FHIT: variants seen among roughly 807,000 people sequenced by gnomAD.
FHIT encodes the protein fragile histidine triad diadenosine triphosphatase, also known as bis(5'-adenosyl)-triphosphatase.
Under a neutral mutation model 17.9 loss-of-function variants are expected in FHIT, and 19 were observed. The observed-to-expected ratio is 1.06, with a 90% CI of 0.74 to 1.56. The LOEUF (loss-of-function observed/expected upper bound fraction) is 1.56. Among genes scored for constraint, FHIT ranks in the 40% most tolerant of loss-of-function variants. The probability of loss-of-function intolerance (pLI) is 0.00; values close to 1 mark genes in which losing one functional copy is unlikely to be tolerated. For synonymous variants in FHIT, 81 were observed against 69.7 expected (o/e 1.16, Z -0.81); for missense variants, 248 against 189.2 (o/e 1.31, Z -1.82).
At chr3:60,279,382 A>T (rs1707319903) in intron 5 of FHIT, among the ~76,000 whole-genome samples, 1 of 152,188 alleles carries the variant, frequency 6.6e-6, no homozygotes, top group African/African-American at 2.4e-5. Flanking sequence ...TTATATCTAT[A>T]TCTGTATCTT....
intron 3 of FHIT, among the ~76,000 whole-genome samples, chr3:60,947,435 T>C (rs544964654): frequency 1.3e-5 from 2 of 152,272 alleles, no homozygotes; most frequent in African/African-American, 4.8e-5. Flanking sequence ...CAAAGGAAAA[T>C]GTAACATTTG....
intron 5 of FHIT, among the ~76,000 whole-genome samples, chr3:60,375,773 T>A (rs1463551145): frequency 6.6e-6 from 1 of 152,016 alleles, no homozygotes; most frequent in African/African-American, 2.4e-5. Flanking sequence ...AGATATCATA[T>A]CTAGGCTTAA....
At chr3:60,514,176 C>T (rs1198135866) in intron 5 of FHIT, among the ~76,000 whole-genome samples, 2 of 152,198 alleles carry the variant, frequency 1.3e-5, no homozygotes, top group Non-Finnish European at 2.9e-5. Flanking sequence ...ATTCAGGAGG[C>T]ACTGGGTGTG....
intron 8 of FHIT, among the ~76,000 whole-genome samples, chr3:59,756,814 T>C (rs1393389029): frequency 6.6e-6 from 1 of 152,198 alleles, no homozygotes; most frequent in Non-Finnish European, 1.5e-5. Context: ...CATGGTCTTA[T>C]TGCACGGAAT....
intron 4 of FHIT, among the ~76,000 whole-genome samples, chr3:60,612,071 A>G (rs1553673814): frequency 6.6e-6 from 1 of 152,112 alleles, no homozygotes; most frequent in African/African-American, 2.4e-5. Context: ...TGGCCCAGAA[A>G]TAATACCTGC....
chr3:60,953,801 C>G (rs1445482301), intron 3 of FHIT, among the ~76,000 whole-genome samples: 1 of 152,136 alleles, frequency 6.6e-6, no homozygotes, highest in Non-Finnish European at 1.5e-5. Context: ...TTAGAAGAGA[C>G]GAAGACGAGA....
intron 1 of FHIT, among the ~76,000 whole-genome samples, chr3:61,243,690 A>T (rs2040422706): frequency 6.6e-6 from 1 of 152,214 alleles, no homozygotes; most frequent in South Asian, 2.1e-4. Context: ...TTTGGAACAC[A>T]GTTTTAATGG....
At chr3:61,087,191 C>A (rs2035332936) in intron 2 of FHIT, among the ~76,000 whole-genome samples, 1 of 152,092 alleles carries the variant, frequency 6.6e-6, no homozygotes, top group African/African-American at 2.4e-5. Context: ...ATATTCTATA[C>A]ATGAAAGAAA....
intron 2 of FHIT, among the ~76,000 whole-genome samples, chr3:61,047,188 A>G (rs995967992): frequency 6.6e-6 from 1 of 152,182 alleles, no homozygotes; most frequent in Non-Finnish European, 1.5e-5. Context: ...AGTAAGTCCA[A>G]TTGTTGCTGT....
intron 5 of FHIT, among the ~76,000 whole-genome samples, chr3:60,161,555 G>A (rs563384342): frequency 6.6e-6 from 1 of 152,264 alleles, no homozygotes; most frequent in African/African-American, 2.4e-5. Flanking sequence ...ACTTTCAAGG[G>A]CATGATTCCT....
intron 7 of FHIT, among the ~76,000 whole-genome samples, chr3:59,963,852 C>A (rs1022767147): frequency 8.5e-5 from 13 of 152,242 alleles, no homozygotes; most frequent in East Asian, 1.9e-4. Flanking sequence ...GGGACATAGG[C>A]AGCAAATTAA....
chr3:60,769,804 A>C (rs1439521781), intron 4 of FHIT, among the ~76,000 whole-genome samples: 1 of 152,168 alleles, frequency 6.6e-6, no homozygotes, highest in Non-Finnish European at 1.5e-5. Flanking sequence ...TTAGGTTTTC[A>C]ATTTTGTCTG....
intron 2 of FHIT, among the ~76,000 whole-genome samples, chr3:61,147,524 TA>T (rs531598476): frequency 1.3e-5 from 2 of 152,132 alleles, no homozygotes; most frequent in South Asian, 4.1e-4. Flanking sequence ...ATATGAATTT[TA>T]AGAACAGTGT....
intron 4 of FHIT, among the ~76,000 whole-genome samples, chr3:60,565,875 C>T (rs1300959814): frequency 6.6e-6 from 1 of 152,130 alleles, no homozygotes; most frequent in African/African-American, 2.4e-5. Context: ...TTAGATCTTT[C>T]CTGCTTTCTC....
At chr3:61,055,068 C>A (rs1242937419) in intron 2 of FHIT, among the ~76,000 whole-genome samples, 1 of 151,088 alleles carries the variant, frequency 6.6e-6, no homozygotes, top group African/African-American at 2.5e-5. Context: ...GTTGCACTAA[C>A]CACAGTTGTT....
intron 7 of FHIT, among the ~76,000 whole-genome samples, chr3:59,947,759 G>A (rs1417700094): frequency 2.6e-5 from 4 of 152,204 alleles, no homozygotes; most frequent in Non-Finnish European, 4.4e-5. Context: ...CACTCTGACA[G>A]AGGATGCTGG....
intron 5 of FHIT, among the ~76,000 whole-genome samples, chr3:60,513,614 C>A (rs550160523): frequency 6.6e-6 from 1 of 152,138 alleles, no homozygotes; most frequent in South Asian, 2.1e-4. Context: ...CACACAGGAA[C>A]AGAAAACCAA....
At chr3:60,266,355 A>C (rs929571808) in intron 5 of FHIT, among the ~76,000 whole-genome samples, 13 of 152,094 alleles carry the variant, frequency 8.5e-5, no homozygotes, top group Non-Finnish European at 1.6e-4. Context: ...CCAAGATATA[A>C]AAACATAAAA....
At chr3:59,840,695 A>G (rs1038207554) in intron 8 of FHIT, among the ~76,000 whole-genome samples, 1 of 152,098 alleles carries the variant, frequency 6.6e-6, no homozygotes, top group East Asian at 1.9e-4. Context: ...ACATCACTCA[A>G]CGTCCCCAGT....
Sources: gnomAD v4.1 joint callset for allele counts (sites outside exome capture counted in the v4.1 genomes callset) on GRCh38, gnomAD v4.1.1 for gene constraint, MANE v1.5 for transcripts, NCBI Gene and HGNC (gene_info 2026-07-23, HGNC 2026-07-21) for gene names.